Variants in SETD5 observed in about 807,000 individuals in gnomAD.
SETD5 encodes the protein histone-lysine N-methyltransferase SETD5.
SETD5 carries 44 observed loss-of-function variants against 153.3 expected under a neutral mutation model. The observed-to-expected ratio is 0.29, with a 90% CI of 0.23 to 0.37. SETD5 has a LOEUF of 0.37. SETD5 is among the 10% of genes least tolerant of loss of function. The probability of loss-of-function intolerance (pLI) is 1.00; values close to 1 mark genes in which losing one functional copy is unlikely to be tolerated. For synonymous variants in SETD5, 716 were observed against 645.2 expected (o/e 1.11, Z -1.66); for missense variants, 1,544 against 1,768.0 (o/e 0.87, Z 2.27).
At chr3:9,430,338 G>T (rs1559391083) in intron 3 of SETD5, 7 of 983,584 alleles carry the variant, frequency 7.1e-6, no homozygotes, top group South Asian at 4.7e-5. Flanking sequence ...AAAATGAAAA[G>T]CAGTGTTTGG....
At chr3:9,453,125 T>C (rs1401228292) in intron 16 of SETD5, among the ~76,000 whole-genome samples, 1 of 152,170 alleles carries the variant, frequency 6.6e-6, no homozygotes, top group African/African-American at 2.4e-5. Flanking sequence ...TGATTTCTAC[T>C]GAAGCTCATT....
chr3:9,471,577 C>G lies in SETD5; in HGVS notation c.3195+648C>G, dbSNP rs748259119. 2.0e-5 allele frequency among the ~76,000 whole-genome samples: 3 copies of G among 152,208 alleles called. No individual in the cohort carries two copies. In the East Asian group the frequency reaches 5.8e-4, roughly 29 times the overall value. ...GATGTTGTTGTATCAGGTGGAAGGC[C>G]GGGGGAGCCAGGAGGAAAGTGCAGA... On this transcript the variant is annotated intron_variant, in intron 19 of 22. Transcript: ENST00000402198.
rs2038441516 is a variant in SETD5, at chr3:9,421,743, A to C, written c.-176-2724A>C. On this transcript the variant is annotated intron_variant, in intron 1 of 22. Coordinates refer to ENST00000402198, the MANE Select transcript of SETD5 (RefSeq NM_001080517.3). ...ACTTTAACCCTTTTGAAATATTCCC[A>C]AAAAGTGTTTTCTCTTCCTGAGTTA... 5.9e-5 allele frequency among the ~76,000 whole-genome samples: 9 copies of C among 152,294 alleles called. No homozygotes were observed. In the South Asian group the frequency reaches 1.7e-3, roughly 28 times the overall value.
At position 9,470,546 on chromosome 3, in the gene SETD5, A is replaced by G; in HGVS notation, c.2812A>G (p.Asn938Asp). Residue 938 changes from asparagine (N) to aspartate (D), a missense_variant, in exon 19 of 23, where the codon AAC becomes GAC. Asn to Asp is a conservative substitution (Grantham distance 23, BLOSUM62 1). This residue lies in a region of SETD5 where 782 missense variants were observed against 787.2 expected (regional missense o/e 0.99). Transcript: ENST00000402198. ...NSCADRPSLL[N>D]SGHSDLAPHP... The stretch of plus-strand genomic sequence containing the variant: ...CTGTGCTGATAGACCTTCCCTACTC[A>G]ACTCAGGTCATTCTGACCTGGCTCC... 1 of 1,613,930 alleles carries G rather than the reference A, an allele frequency of 6.2e-7. No individual in the cohort carries two copies. Among genetic ancestry groups the G allele is most frequent in the Non-Finnish European group, 8.5e-7 (1 of 1,179,886 alleles).
chr3:9,444,068 AAG>A (rs964394523), intron 11 of SETD5, among the ~76,000 whole-genome samples: 3 of 152,192 alleles, frequency 2.0e-5, no homozygotes, highest in African/African-American at 4.8e-5. Context: ...CTTAAAAAAA[AAG>A]AGAGAGAATT....
chr3:9,401,223 A>G (rs2034719140), intron 1 of SETD5, among the ~76,000 whole-genome samples: 1 of 152,242 alleles, frequency 6.6e-6, no homozygotes, highest in African/African-American at 2.4e-5. Flanking sequence ...TTACTATCAC[A>G]TAGATAAGAT....
Position 9,426,256 on chromosome 3 carries a change from A to C in SETD5, c.-117+1730A>C, listed in dbSNP as rs1231106683. 6.1e-5 allele frequency: 2 copies of C among 32,942 alleles called. 1 individual carries two copies. The highest frequency in any genetic ancestry group is 2.3e-3 in the East Asian group (2 of 862). 2.0% of individuals were successfully genotyped at this position (32,942 alleles called of 1,614,324 possible). A position where few individuals can be genotyped will look rare whatever the true frequency, so the allele number is the denominator to read the frequency against. ...TTTTTTTTTTTTTTTTTTTTTTGGC[A>C]ACAGGGACTCACTTTGTTGCCCAGG... On this transcript the variant is annotated intron_variant, in intron 2 of 22. Coordinates refer to ENST00000402198, the MANE Select transcript of SETD5 (RefSeq NM_001080517.3).
rs766887105 is a variant in SETD5, at chr3:9,474,521, G to T, written c.3570G>T (p.Arg1190Ser). 1.2e-6 allele frequency: 2 copies of T among 1,613,890 alleles called. No individual in the cohort carries two copies. Among genetic ancestry groups the T allele is most frequent in the Non-Finnish European group, 1.7e-6 (2 of 1,179,846 alleles). ...CCAAGGTCCTCCGAAGCAGCGTGAG[G>T]GTGGCCCAAAAGGGAGAGCCCTCTC... ...SIPKVLRSSV[R>S]VAQKGEPSPT... is the part of the protein sequence containing the mutation. Residue 1190 changes from arginine (R) to serine (S), a missense_variant, in exon 21 of 23, where the codon AGG (arginine) becomes AGT (serine). Around this residue, in one of 9 missense-constraint regions of SETD5, gnomAD observed 38 missense variants for 71.4 expected, o/e 0.53. Transcript: ENST00000402198.
chr3:9,452,414 T>G (rs2042725011), intron 16 of SETD5, among the ~76,000 whole-genome samples: 1 of 152,216 alleles, frequency 6.6e-6, no homozygotes, highest in African/African-American at 2.4e-5. Context: ...ATATGTATGG[T>G]TCTGACAATT....
Position 9,434,166 on chromosome 3 carries a change from A to C in SETD5, c.178-168A>C. 6.5e-7 allele frequency: 1 copy of C among 1,549,368 alleles called. No individual in the cohort carries two copies. On this transcript the variant is annotated intron_variant, in intron 4 of 22. Transcript: ENST00000402198. This position sits in a 1 kb window ranked among gnomAD's most constrained non-coding sequence, Gnocchi z 5.6. The stretch of plus-strand genomic sequence containing the variant: ...TTTGTTTTATCACTTTCCTGGTTGA[A>C]GCCAAAAAACAAAGGGTACTACTTT...
chr3:9,475,203 G>A (rs980864455), intron 22 of SETD5, 47 bp downstream of exon 22: 2 of 1,501,438 alleles, frequency 1.3e-6, no homozygotes, highest in Non-Finnish European at 1.8e-6. Context: ...TGTGTTCTGG[G>A]TCCCAAATTG....
At chr3:9,432,007 A>G (rs910503039) in intron 3 of SETD5, 1 of 153,656 alleles carries the variant, frequency 6.5e-6, no homozygotes, top group Admixed American at 6.5e-5. Context: ...ACTGTCCATC[A>G]TAGAAACTAA....
At chr3:9,467,333 CAGTGGAAGAGAACA>C (rs974454403) in intron 18 of SETD5, among the ~76,000 whole-genome samples, 1 of 149,746 alleles carries the variant, frequency 6.7e-6, no homozygotes, top group African/African-American at 2.5e-5. Flanking sequence ...AGAAGATAAA[CAGTGGAAGAGAACA>C]AGATCTTCAG....
In SETD5 at chr3:9,476,194, C is replaced by A. The variant is rs1256068756; in HGVS notation, c.*103C>A. On this transcript the variant is annotated 3_prime_UTR_variant, in exon 23 of 23. Transcript: ENST00000402198. The stretch of plus-strand genomic sequence containing the variant: ...GCATATTGCTGAGGAACGGGGGGTA[C>A]AAGGTGCCAGAGGATTGGGTCTGGT... 1.4e-6 allele frequency: 2 copies of A among 1,439,540 alleles called. No individual in the cohort carries two copies. The highest frequency in any genetic ancestry group is 1.8e-6 in the Non-Finnish European group (2 of 1,083,346). 89.2% of individuals were successfully genotyped at this position (1,439,540 alleles called of 1,614,324 possible).
At chr3:9,458,051 A>G (rs189534407) in intron 17 of SETD5, among the ~76,000 whole-genome samples, 2 of 152,328 alleles carry the variant, frequency 1.3e-5, no homozygotes, top group Admixed American at 1.3e-4. Context: ...ATATGGAACA[A>G]AATAGTCAGA....
At position 9,470,746 on chromosome 3, in the gene SETD5, T is replaced by C. The variant is rs1029877888; in HGVS notation, c.3012T>C (p.Pro1004=). The stretch of plus-strand genomic sequence containing the variant: ...CAGATGGACTGTATCGAGGATCTCC[T>C]CTAGTGGGGGATAGGAAGCCTTTAC... ...PRADGLYRGS[P]LVGDRKPLHL... Residue 1004 remains proline, a synonymous_variant, in exon 19 of 23, where the codon CCT becomes CCC. Coordinates refer to ENST00000402198, the MANE Select transcript of SETD5 (RefSeq NM_001080517.3). 1.9e-6 allele frequency: 3 copies of C among 1,614,002 alleles called. No individual in the cohort carries two copies. The highest frequency in any genetic ancestry group is 2.5e-6 in the Non-Finnish European group (3 of 1,179,884).
chr3:9,415,871 G>A (rs986862884), intron 1 of SETD5, among the ~76,000 whole-genome samples: 8 of 149,816 alleles, frequency 5.3e-5, no homozygotes, highest in Non-Finnish European at 1.2e-4. Flanking sequence ...CCCCATTGCT[G>A]TTGAACTTTT....
In SETD5 at chr3:9,431,140, A is replaced by C. The variant is rs1009847760; in HGVS notation, c.71+2131A>C. 4 of 985,362 alleles carry C rather than the reference A, an allele frequency of 4.1e-6. No individual in the cohort carries two copies. In the African/African-American group the frequency reaches 7.0e-5, roughly 17 times the overall value. 61.0% of individuals were successfully genotyped at this position (985,362 alleles called of 1,614,324 possible). ...TCATAGAATTTTAAATCTGATGGCA[A>C]CTATATGCAATACGCATTTATTTTT... On this transcript the variant is annotated intron_variant, in intron 3 of 22. Transcript: ENST00000402198.
At chr3:9,412,392 T>A (rs920746950) in intron 1 of SETD5, among the ~76,000 whole-genome samples, 1 of 135,270 alleles carries the variant, frequency 7.4e-6, no homozygotes, top group Non-Finnish European at 1.6e-5. Flanking sequence ...TTTGGGTTTT[T>A]TTTTTTTTTT....
Sources: allele counts gnomAD v4.1 joint callset (sites outside exome capture counted in the v4.1 genomes callset), GRCh38; gene constraint gnomAD v4.1.1; regional missense constraint gnomAD v4.1.1; non-coding constraint Gnocchi (gnomAD v3.1); transcripts MANE v1.5; gene names NCBI Gene and HGNC (gene_info 2026-07-23, HGNC 2026-07-21).